Variants in SH3D19 observed in about 807,000 individuals in gnomAD.
SH3D19 encodes SH3 domain-containing protein 19.
Under a neutral mutation model 112.1 loss-of-function variants are expected in SH3D19, and 58 were observed. That is an observed-to-expected ratio of 0.52 (90% CI 0.42 to 0.64). The LOEUF is 0.64. Among genes scored for constraint, SH3D19 ranks in the 30% least tolerant of loss-of-function variants. The pLI is 0.00. For missense variants in SH3D19, 1,090 were observed against 1,263.4 expected (o/e 0.86, Z 2.08); for synonymous variants, 391 against 448.5 (o/e 0.87, Z 1.62).
chr4:151,201,924 T>C (rs1284736443), intron 2 of SH3D19, among the ~76,000 whole-genome samples: 1 of 150,378 alleles, frequency 6.6e-6, no homozygotes, highest in East Asian at 1.9e-4. Context: ...AGACAGGAGA[T>C]TTGCTTGAAC....
chr4:151,161,143 T>C (rs1757078903), intron 8 of SH3D19, among the ~76,000 whole-genome samples: 1 of 152,046 alleles, frequency 6.6e-6, no homozygotes, highest in Non-Finnish European at 1.5e-5. Context: ...TTAAATAATG[T>C]AGTCAGGGAA....
chr4:151,143,205 G>A (rs1428889347), intron 12 of SH3D19, among the ~76,000 whole-genome samples: 1 of 151,368 alleles, frequency 6.6e-6, no homozygotes, highest in East Asian at 1.9e-4. Context: ...ACTTCAGCCT[G>A]GGCAACAGAG....
chr4:151,219,286 A>G (rs1050822299), intron 2 of SH3D19, among the ~76,000 whole-genome samples: 1 of 152,060 alleles, frequency 6.6e-6, no homozygotes, highest in Non-Finnish European at 1.5e-5. Flanking sequence ...TATTAGGTCA[A>G]CTTAGCTATA....
chr4:151,228,157 A>G (rs943218742), intron 1 of SH3D19: 1 of 525,476 alleles, frequency 1.9e-6, no homozygotes, highest in Non-Finnish European at 2.4e-6. Context: ...AAATTCAACA[A>G]AAGACTTGAT....
chr4:151,264,663 T>C (rs1463330044), intron 1 of SH3D19, among the ~76,000 whole-genome samples: 1 of 152,140 alleles, frequency 6.6e-6, no homozygotes, highest in East Asian at 1.9e-4. Context: ...TATAGTTGTG[T>C]TCTCAGGTGT....
intron 1 of SH3D19, among the ~76,000 whole-genome samples, chr4:151,319,652 T>C (rs546379156): frequency 6.6e-6 from 1 of 152,340 alleles, no homozygotes; most frequent in Admixed American, 6.5e-5. Context: ...TATACCTAGT[T>C]GTGTAATTTT....
At chr4:151,136,482 G>A (rs1751875993) in intron 14 of SH3D19, among the ~76,000 whole-genome samples, 1 of 152,186 alleles carries the variant, frequency 6.6e-6, no homozygotes, top group Admixed American at 6.5e-5. Flanking sequence ...CATTTACAAG[G>A]CTCAGTAGAG....
intron 2 of SH3D19, among the ~76,000 whole-genome samples, chr4:151,203,639 G>A (rs1460619408): frequency 6.6e-6 from 1 of 152,100 alleles, no homozygotes; most frequent in African/African-American, 2.4e-5. Context: ...TCTTTGGTTT[G>A]TTTTTGTCCC....
chr4:151,319,267 C>A (rs989851331), intron 1 of SH3D19, among the ~76,000 whole-genome samples: 2 of 152,220 alleles, frequency 1.3e-5, no homozygotes, highest in Admixed American at 6.5e-5. Context: ...CCAGGCTGGT[C>A]TCGAACTCCT....
In SH3D19 at chr4:151,175,680, G is replaced by T; in HGVS notation, c.530-6C>A. 8.0e-7 allele frequency: 1 copy of T among 1,246,944 alleles called. No individual in the cohort carries two copies. Among genetic ancestry groups the T allele is most frequent in the South Asian group, 3.9e-5 (1 of 25,906 alleles). 77.2% of individuals were successfully genotyped at this position (1,246,944 alleles called of 1,614,324 possible). On this transcript the variant is annotated splice_region_variant and splice_polypyrimidine_tract_variant and intron_variant, in intron 6 of 19. Transcript: ENST00000604030. The stretch of plus-strand genomic sequence containing the variant: ...CTTGAGAGGTGCCTGTAGTGCTGAC[G>T]AGACCAAAACAAAACCAAAACAAAT...
intron 11 of SH3D19, among the ~76,000 whole-genome samples, chr4:151,146,034 C>T (rs1753859508): frequency 1.3e-5 from 2 of 152,156 alleles, no homozygotes; most frequent in Admixed American, 6.5e-5. Context: ...TCCCAAAGAA[C>T]ACCCCTGGGT....
intron 1 of SH3D19, among the ~76,000 whole-genome samples, chr4:151,240,234 G>T (rs913083724): frequency 2.7e-5 from 4 of 149,274 alleles, no homozygotes; most frequent in Non-Finnish European, 5.9e-5. Flanking sequence ...GCGAGATCTG[G>T]TCTTTACAAA....
intron 1 of SH3D19, among the ~76,000 whole-genome samples, chr4:151,312,968 A>G (rs1729616786): frequency 6.6e-6 from 1 of 151,770 alleles, no homozygotes; most frequent in African/African-American, 2.4e-5. Context: ...GAGTGCCTGT[A>G]ATCCCAGCTA....
intron 1 of SH3D19, among the ~76,000 whole-genome samples, chr4:151,308,613 A>G (rs1163011120): frequency 1.3e-5 from 2 of 152,202 alleles, no homozygotes; most frequent in Non-Finnish European, 2.9e-5. Flanking sequence ...TCCTGTGCAG[A>G]ATTGTGGCTG....
At chr4:151,297,176 A>T (rs1469389314) in intron 1 of SH3D19, among the ~76,000 whole-genome samples, 1 of 152,272 alleles carries the variant, frequency 6.6e-6, no homozygotes, top group Non-Finnish European at 1.5e-5. Context: ...AATTGAGAAG[A>T]AACATTCACT....
chr4:151,309,765 G>A (rs1205253158), intron 1 of SH3D19, among the ~76,000 whole-genome samples: 1 of 152,156 alleles, frequency 6.6e-6, no homozygotes, highest in Non-Finnish European at 1.5e-5. Context: ...CAAGGCAGGA[G>A]GATCACTTGA....
intron 8 of SH3D19, among the ~76,000 whole-genome samples, chr4:151,161,830 T>C (rs1423215023): frequency 6.7e-6 from 1 of 150,006 alleles, no homozygotes; most frequent in Non-Finnish European, 1.5e-5. Context: ...GGTGGCATGA[T>C]CTCGGCTCAC....
At chr4:151,303,204 T>C (rs988969073) in intron 1 of SH3D19, among the ~76,000 whole-genome samples, 3 of 152,194 alleles carry the variant, frequency 2.0e-5, no homozygotes, top group Non-Finnish European at 4.4e-5. Flanking sequence ...CGAGTGATTA[T>C]AGCTTTCACG....
intron 19 of SH3D19, among the ~76,000 whole-genome samples, chr4:151,123,008 C>T (rs775954372): frequency 3.9e-5 from 6 of 152,036 alleles, no homozygotes; most frequent in Non-Finnish European, 7.4e-5. Context: ...CCTGCCACCA[C>T]GTCCAGCTAT....
Sources: gnomAD v4.1 joint callset for allele counts (sites outside exome capture counted in the v4.1 genomes callset) on GRCh38, gnomAD v4.1.1 for gene constraint, MANE v1.5 for transcripts, NCBI Gene and HGNC (gene_info 2026-07-23, HGNC 2026-07-21) for gene names.